RP1L1: variants seen among roughly 807,000 people sequenced by gnomAD.
RP1L1 encodes RP1 like 1, also known as retinitis pigmentosa 1-like 1 protein.
A neutral mutation model predicts 15.7 loss-of-function variants in RP1L1; 27 were observed. That is an observed-to-expected ratio of 1.72 (90% CI 1.27 to 2.38). The LOEUF is 2.38. Among genes scored for constraint, RP1L1 ranks in the 30% most tolerant of loss-of-function variants. The probability of loss-of-function intolerance (pLI) is 0.00; values close to 1 mark genes in which losing one functional copy is unlikely to be tolerated. For synonymous variants in RP1L1, 1,813 were observed against 1,276.7 expected, an observed-to-expected ratio of 1.42 and a Z score of -8.96; for missense variants, 4,798 against 3,075.9, an observed-to-expected ratio of 1.56 and a Z score of -13.24.
chr8:10,623,513 C>A (rs77231797), intron 1 of RP1L1, among the ~76,000 whole-genome samples: 1 of 25,866 alleles, frequency 3.9e-5, no homozygotes, highest in Admixed American at 3.1e-4. Flanking sequence ...GTCCCCAGAA[C>A]CACCATGAAA....
chr8:10,612,510 C>G lies in RP1L1; in HGVS notation c.1588G>C (p.Gly530Arg), dbSNP rs1797883180. ...CTGGCTGACGAGTCCGAAGAAGCCCCCTCCTCACTCCGGGCCCTCGGTGTC... is the reference window on the plus strand; with the variant it reads ...CTGGCTGACGAGTCCGAAGAAGCCCGCTCCTCACTCCGGGCCCTCGGTGTC... The part of the protein sequence containing the change: ...RLTPRARSEE[G>R]ASSDSSASTG... The change falls in exon 4 of 4, where the codon GGG becomes CGG. Residue 530 changes from glycine to arginine, a missense_variant. Physicochemically the swap from Gly to Arg is moderately radical, Grantham distance 125. Transcript: ENST00000382483. 1 of 1,612,064 alleles carries G rather than the reference C, an allele frequency of 6.2e-7. No homozygotes were observed.
intron 2 of RP1L1, among the ~76,000 whole-genome samples, chr8:10,618,475 C>A (rs539761971): frequency 1.4e-4 from 22 of 152,258 alleles, no homozygotes; most frequent in African/African-American, 5.3e-4. Context: ...CCACTGCACT[C>A]CAGCCTGGGT....
At chr8:10,647,342 G>C (rs1485998017) in intron 1 of RP1L1, among the ~76,000 whole-genome samples, 3 of 152,160 alleles carry the variant, frequency 2.0e-5, no homozygotes, top group African/African-American at 7.2e-5. Flanking sequence ...TTGTGGTAAA[G>C]TACTCATAAC....
Position 10,639,141 on chromosome 8 carries a change from C to CA in RP1L1, c.-20+15756dup, listed in dbSNP as rs1273243466. On this transcript the variant is annotated intron_variant, in intron 1 of 3. Coordinates refer to ENST00000382483, the MANE Select transcript of RP1L1 (RefSeq NM_178857.6). The stretch of plus-strand genomic sequence containing the variant: ...CCTGGATGACAGGGTGAGACTGTCT[C>CA]AAAAAAAAAAAAGAAAAGAAAAGAA... 4.6e-3 allele frequency among the ~76,000 whole-genome samples: 588 copies of CA among 126,646 alleles called. 2 individuals carry two copies. Among genetic ancestry groups the CA allele is most frequent in the African/African-American group, 0.01 (358 of 34,268 alleles). The allele number at this position is 126,646 out of a possible 152,430, so 83.1% of individuals were successfully genotyped here. A position where few individuals can be genotyped will look rare whatever the true frequency, so the allele number is the denominator to read the frequency against.
At position 10,607,811 on chromosome 8, in the gene RP1L1, G is replaced by C; in HGVS notation, c.6287C>G (p.Pro2096Arg). ...TGGGGCCTCTACACCTTCTGATTCT[G>C]GCTGGGCCTCCCCTTCTGCCTCCTG... Reference protein sequence around the residue: ...DAQEAEGEAQPESEGVEAPEA... With the variant: ...DAQEAEGEAQRESEGVEAPEA... Residue 2096 changes from proline to arginine, a missense_variant, in exon 4 of 4, where the codon CCA becomes CGA. Transcript: ENST00000382483. 1 of 1,593,398 alleles carries C rather than the reference G, an allele frequency of 6.3e-7. No individual in the cohort carries two copies. Among genetic ancestry groups the C allele is most frequent in the Non-Finnish European group, 8.6e-7 (1 of 1,166,400 alleles).
intron 1 of RP1L1, among the ~76,000 whole-genome samples, chr8:10,627,441 T>C (rs566731816): frequency 4.6e-5 from 7 of 152,116 alleles, no homozygotes; most frequent in African/African-American, 1.4e-4. Flanking sequence ...GTCAATTTTA[T>C]AGAGACAGAA....
Position 10,607,128 on chromosome 8 carries a change from T to G in RP1L1, c.6970A>C (p.Arg2324=). 6.2e-7 allele frequency: 1 copy of G among 1,614,258 alleles called. No individual in the cohort carries two copies. The highest frequency in any genetic ancestry group is 8.5e-7 in the Non-Finnish European group (1 of 1,180,048). The part of the protein sequence containing the change: ...SENDHVLGDT[R]SPDAKSTGTP... ...CCCGTGGACTTGGCATCAGGGCTCC[T>G]TGTGTCTCCAAGTACATGGTCATTT... is the stretch of plus-strand genomic sequence containing the variant. Residue 2324 remains arginine (R), a synonymous_variant, in exon 4 of 4, where the codon AGG becomes CGG. Transcript: ENST00000382483.
chr8:10,635,435 G>C (rs1259832674), intron 1 of RP1L1, among the ~76,000 whole-genome samples: 1 of 152,206 alleles, frequency 6.6e-6, no homozygotes, highest in African/African-American at 2.4e-5. Context: ...TGCTCTCCCA[G>C]GTGTCCTGAA....
Position 10,610,195 on chromosome 8 carries a change from C to A in RP1L1, c.3903G>T (p.Val1301=). The A allele has an allele frequency of 7.1e-7, 1 of 1,400,282 alleles. No homozygotes were observed. Among genetic ancestry groups the A allele is most frequent in the South Asian group, 1.2e-5 (1 of 84,062 alleles). 86.7% of individuals were successfully genotyped at this position (1,400,282 alleles called of 1,614,324 possible). Residue 1301 remains valine, a synonymous_variant, in exon 4 of 4, where the codon GTG becomes GTT. Transcript: ENST00000382483. Reference sequence around the variant, plus strand: ...TTCCTTCTTTAGTTTCCTCTAATTGCACCTCTTCTTGCACTGTGTTTTCAG... The same window carrying A: ...TTCCTTCTTTAGTTTCCTCTAATTGAACCTCTTCTTGCACTGTGTTTTCAG... The part of the protein sequence containing the change: ...QLAENTVQEE[V]QLEETKEGTE...
Position 10,612,851 on chromosome 8 carries a change from T to C in RP1L1, c.1247A>G (p.Gln416Arg), listed in dbSNP as rs1797893018. The change falls in exon 4 of 4, where the codon CAG (glutamine) becomes CGG (arginine). Residue 416 changes from glutamine to arginine, a missense_variant. Gln to Arg is a conservative substitution (Grantham distance 43). Transcript: ENST00000382483. ...CTTCCGAGCTGCCACTCTCTCTCCC[T>C]GGGAGGCATGCAGGGGATTCGTCCA... The part of the protein sequence containing the change: ...EIWTNPLHAS[Q>R]GERVAARKRW... 6.2e-7 allele frequency: 1 copy of C among 1,612,710 alleles called. No individual in the cohort carries two copies. The highest frequency in any genetic ancestry group is 1.7e-5 in the Admixed American group (1 of 60,006).
At chr8:10,620,678 C>T (rs1050808809) in intron 2 of RP1L1, among the ~76,000 whole-genome samples, 37 of 152,208 alleles carry the variant, frequency 2.4e-4, no homozygotes, top group African/African-American at 8.7e-4. Context: ...CCATACAAGG[C>T]TTCTCATGAC....
rs764510382 is a variant in RP1L1 at position 10,609,498 on chromosome 8, G to A, written c.4600C>T (p.Leu1534Phe). 8.1e-6 allele frequency: 13 copies of A among 1,610,498 alleles called. No individual in the cohort carries two copies. The highest frequency in any genetic ancestry group is 4.0e-5 in the African/African-American group (3 of 74,930). Residue 1534 changes from leucine (L) to phenylalanine (F), a missense_variant, in exon 4 of 4, where the codon CTT (leucine) becomes TTT (phenylalanine). Leu to Phe is a conservative substitution (Grantham distance 22). Coordinates refer to ENST00000382483, the MANE Select transcript of RP1L1 (RefSeq NM_178857.6). The part of the protein sequence containing the change: ...KKTEKAFLAH[L>F]ASAVAELRAR... ...CGGAGCTCAGCCACCGCACTGGCAAGGTGGGCCAGGAAGGCCTTCTCCGTC... is the reference window on the plus strand; with the variant it reads ...CGGAGCTCAGCCACCGCACTGGCAAAGTGGGCCAGGAAGGCCTTCTCCGTC...
In RP1L1 at chr8:10,608,622, GA is replaced by G. The variant is rs1797760789; in HGVS notation, c.5475del (p.Pro1826GlnfsTer10). ...CCTTCGGCCCCATCACTCTGTCCTG[GA>G]TCTTGGTCACCTCCTGCCGCAGCTT... Reference protein sequence around the residue: ...QGEAAAGGDQDPGQSDGAEGI... With the variant: ...QGEAAAGGDQXPGQSDGAEGI... On this transcript the variant is annotated frameshift_variant, in exon 4 of 4. Transcript: ENST00000382483. LOFTEE classifies it low-confidence loss of function (END_TRUNC). 6.2e-7 allele frequency: 1 copy of G among 1,614,000 alleles called. No homozygotes were observed. Among genetic ancestry groups the G allele is most frequent in the African/African-American group, 1.3e-5 (1 of 74,906 alleles).
chr8:10,612,340 A>G lies in RP1L1; in HGVS notation c.1758T>C (p.Ser586=), dbSNP rs774970126. 2 of 1,612,892 alleles carry G rather than the reference A, an allele frequency of 1.2e-6. No homozygotes were observed. The highest frequency in any genetic ancestry group is 4.5e-5 in the East Asian group (2 of 44,854). ...CTTGCGTCTCTGCCTGCAGGTCGTC[A>G]CTCCTTAAAGATGAAAGACTCAGGG... ...SPALSLSSLR[S]DDLQAETQGQ... The change falls in exon 4 of 4, where the codon AGT becomes AGC. Residue 586 remains serine (S), a synonymous_variant. Coordinates refer to ENST00000382483, the MANE Select transcript of RP1L1 (RefSeq NM_178857.6).
intron 2 of RP1L1, among the ~76,000 whole-genome samples, chr8:10,622,061 C>A (rs4841400): frequency 0.027 from 4,094 of 152,232 alleles, 65 homozygotes; most frequent in Middle Eastern, 0.068. Context: ...GTGGCTCATG[C>A]CTGTAATCCC....
chr8:10,619,640 G>C (rs952213362), intron 2 of RP1L1, among the ~76,000 whole-genome samples: 2 of 152,004 alleles, frequency 1.3e-5, no homozygotes, highest in East Asian at 1.9e-4. Flanking sequence ...AAGATGCCGA[G>C]AGAGGGCTGG....
chr8:10,608,119 G>C lies in RP1L1; in HGVS notation c.5979C>G (p.Ala1993=), dbSNP rs1480057185. 1 of 1,612,566 alleles carries C rather than the reference G, an allele frequency of 6.2e-7. No individual in the cohort carries two copies. The highest frequency in any genetic ancestry group is 8.5e-7 in the Non-Finnish European group (1 of 1,179,714). ...EVETQEAEGE[A]QPESEDVEAP... ...CCTCTACATCTTCTGACTCTGGCTG[G>C]GCCTCCCCTTCTGCCTCCTGGGTCT... The change falls in exon 4 of 4, where the codon GCC becomes GCG. Residue 1993 remains alanine, a synonymous_variant. Transcript: ENST00000382483.
At chr8:10,616,117 C>A (rs1177182910) in intron 3 of RP1L1, among the ~76,000 whole-genome samples, 2 of 152,076 alleles carry the variant, frequency 1.3e-5, no homozygotes, top group African/African-American at 2.4e-5. Context: ...TTATGTTGCC[C>A]AGGCGGGTGT....
chr8:10,653,002 G>C (rs1032087255), intron 1 of RP1L1, among the ~76,000 whole-genome samples: 1 of 152,182 alleles, frequency 6.6e-6, no homozygotes, highest in Non-Finnish European at 1.5e-5. Context: ...AATCAACTCC[G>C]GGTCTGAGGC....
Sources: gnomAD v4.1 joint callset for allele counts (sites outside exome capture counted in the v4.1 genomes callset) on GRCh38, gnomAD v4.1.1 for gene constraint, MANE v1.5 for transcripts, NCBI Gene and HGNC (gene_info 2026-07-23, HGNC 2026-07-21) for gene names.